The following USP9X variants were observed in gnomAD, a reference collection of about 807,000 sequenced individuals.
The protein encoded by USP9X is ubiquitin specific peptidase 9 X-linked.
Under a neutral mutation model 190.3 loss-of-function variants are expected in USP9X, and 7 were observed. That is an observed-to-expected ratio of 0.04 (90% CI 0.02 to 0.07). The LOEUF (loss-of-function observed/expected upper bound fraction) is 0.07. Among genes scored for constraint, USP9X ranks in the 10% least tolerant of loss-of-function variants. The probability of loss-of-function intolerance (pLI) is 1.00; values close to 1 mark genes in which losing one functional copy is unlikely to be tolerated. For synonymous variants in USP9X, 645 were observed against 659.5 expected (o/e 0.98, Z 0.34); for missense variants, 1,010 against 1,916.9 (o/e 0.53, Z 8.83).
At chrX:41,227,553 A>G (rs1412551498) in intron 41 of USP9X, among the ~76,000 whole-genome samples, 1 of 112,307 alleles carries the variant, frequency 8.9e-6, no homozygotes, top group Non-Finnish European at 1.9e-5. Context: ...TACATAGTGT[A>G]TATTAGAATC....
At chrX:41,209,337 T>TA (rs1362673267) in intron 32 of USP9X, among the ~76,000 whole-genome samples, 1 of 111,473 alleles carries the variant, frequency 9.0e-6, no homozygotes, top group Non-Finnish European at 1.9e-5. Flanking sequence ...CTGAAATTTT[T>TA]AAAGAATCCA....
At chrX:41,164,088 G>T (rs1050799239) in intron 15 of USP9X, among the ~76,000 whole-genome samples, 1 of 111,111 alleles carries the variant, frequency 9.0e-6, no homozygotes, top group Admixed American at 9.5e-5. Flanking sequence ...GGCCAGGATG[G>T]TCTCTATCTC....
At chrX:41,198,251 A>ATTT (rs2063006568) in intron 29 of USP9X, among the ~76,000 whole-genome samples, 1 of 112,064 alleles carries the variant, frequency 8.9e-6, no homozygotes, top group East Asian at 2.8e-4. Flanking sequence ...ACACTTGATT[A>ATTT]AAGGAGCAAA....
chrX:41,232,177 C>T (rs919480425), intron 44 of USP9X, among the ~76,000 whole-genome samples: 1 of 110,385 alleles, frequency 9.1e-6, no homozygotes, highest in Non-Finnish European at 1.9e-5. Flanking sequence ...TGCTCTTATT[C>T]AGGGTTTTGG....
At chrX:41,100,006 G>A (rs1324029278) in intron 1 of USP9X, among the ~76,000 whole-genome samples, 4 of 111,742 alleles carry the variant, frequency 3.6e-5, no homozygotes, top group African/African-American at 9.8e-5. Context: ...CCATCAATCA[G>A]CTTCAACTCA....
intron 2 of USP9X, among the ~76,000 whole-genome samples, chrX:41,126,186 C>T (rs2062249123): frequency 1.8e-5 from 2 of 111,612 alleles, no homozygotes; most frequent in African/African-American, 3.3e-5. Flanking sequence ...GTGAACAAGT[C>T]GGGGGTTTTT....
At chrX:41,230,728 A>G in intron 44 of USP9X, 132 bp downstream of exon 44, 1 of 536,656 alleles carries the variant, frequency 1.9e-6, no homozygotes, top group Non-Finnish European at 3.0e-6. Context: ...TGGGAGCATG[A>G]TCCAGAAGAG....
chrX:41,186,430 A>G, intron 23 of USP9X, 87 bp from the exon 24 acceptor site: 1 of 1,063,378 alleles, frequency 9.4e-7, no homozygotes, highest in Non-Finnish European at 1.3e-6. Context: ...GTCGTTCTGC[A>G]GGAGTGGGTG....
At chrX:41,205,887 C>CTTTTTT (rs751427663) in intron 32 of USP9X, among the ~76,000 whole-genome samples, 9 of 87,139 alleles carry the variant, frequency 1.0e-4, no homozygotes, top group Non-Finnish European at 1.4e-4. Flanking sequence ...TTTTCTTTTT[C>CTTTTTT]TTTTTTTCTT....
chrX:41,167,627 C>T, intron 17 of USP9X, 50 bp downstream of exon 17: 1 of 947,287 alleles, frequency 1.1e-6, no homozygotes, highest in South Asian at 2.3e-5. Context: ...TTTCGGCCCC[C>T]ATTTCTCTTA....
At chrX:41,196,478 A>G in intron 27 of USP9X, 114 bp from the exon 28 acceptor site, 1 of 1,075,624 alleles carries the variant, frequency 9.3e-7, no homozygotes, top group Non-Finnish European at 1.3e-6. Context: ...TAAATGAAGT[A>G]CTACTTTATT....
intron 21 of USP9X, among the ~76,000 whole-genome samples, chrX:41,181,241 G>A (rs2062821707): frequency 9.3e-6 from 1 of 107,002 alleles, no homozygotes; most frequent in African/African-American, 3.4e-5. Context: ...AATTCACCTG[G>A]GACACATAGC....
At chrX:41,168,251 C>G (rs2062694423) in intron 18 of USP9X, 33 bp downstream of exon 18, 1 of 1,085,075 alleles carries the variant, frequency 9.2e-7, no homozygotes, top group Non-Finnish European at 1.2e-6. Flanking sequence ...GGTGCTAATT[C>G]TTAATTATTT....
Position 41,152,957 on chromosome X carries a change from G to A in USP9X, c.1773G>A (p.Gln591=), listed in dbSNP as rs754311688. ...GEAPQNLSQT[Q]RSPHVFYRHD... ...GTTCTTCTCGTTTCAGTCAAACTCA[G>A]CGAAGTCCCCATGTGTTTTATCGCC... The change falls in exon 14 of 45, where the codon CAG becomes CAA. Residue 591 remains glutamine (Q), a synonymous_variant. Transcript: ENST00000378308. The A allele has an allele frequency of 3.3e-6, 4 of 1,206,052 alleles. No individual in the cohort carries two copies. Among genetic ancestry groups the A allele is most frequent in the African/African-American group, 1.8e-5 (1 of 57,066 alleles).
chrX:41,099,096 G>GT (rs34179321), intron 1 of USP9X, among the ~76,000 whole-genome samples: 4,607 of 44,234 alleles, frequency 0.1, 604 homozygotes, highest in East Asian at 0.16. Flanking sequence ...CCAGATAATT[G>GT]TTTTTTTTTT....
At chrX:41,209,097 A>G (rs2063134925) in intron 32 of USP9X, among the ~76,000 whole-genome samples, 1 of 111,981 alleles carries the variant, frequency 8.9e-6, no homozygotes, top group Admixed American at 9.5e-5. Context: ...ATATATCAGA[A>G]TAAGGCAATT....
intron 32 of USP9X, among the ~76,000 whole-genome samples, chrX:41,207,079 CTTTTTTTTTTTT>C (rs34779889): frequency 9.8e-5 from 3 of 30,498 alleles, no homozygotes; most frequent in African/African-American, 4.8e-4. Flanking sequence ...GCTCCCTGGC[CTTTTTTTTTTTT>C]TTTTTTTTTT....
Position 41,216,781 on chromosome X carries a change from G to A in USP9X, c.6085+129G>A, listed in dbSNP as rs913903725. On this transcript the variant is annotated intron_variant, in intron 35 of 44. Transcript: ENST00000378308. ...TAATTTGCTGGGTGTGGTGGTTCAC[G>A]CCTGTAATCCCAGCACTTTGGGAGG... 1.9e-5 allele frequency: 15 copies of A among 797,165 alleles called. No homozygotes were observed. The African/African-American group carries it at 1.9e-4, about 10-fold the overall frequency. The allele number at this position is 797,165 out of a possible 1,213,427, so 65.7% of individuals were successfully genotyped here. A position where few individuals can be genotyped will look rare whatever the true frequency, so the allele number is the denominator to read the frequency against.
intron 27 of USP9X, 90 bp from the exon 28 acceptor site, chrX:41,196,502 T>A: frequency 9.1e-7 from 1 of 1,097,503 alleles, no homozygotes; most frequent in Non-Finnish European, 1.2e-6. Context: ...CGCACTGTGG[T>A]AGTCATCTTC....
Sources: gnomAD v4.1 joint callset for allele counts (sites outside exome capture counted in the v4.1 genomes callset) on GRCh38, gnomAD v4.1.1 for gene constraint, MANE v1.5 for transcripts, NCBI Gene and HGNC (gene_info 2026-07-23, HGNC 2026-07-21) for gene names.